LNX1: variants seen among roughly 807,000 people sequenced by gnomAD.
LNX1 encodes the protein ligand of numb-protein X 1, also known as E3 ubiquitin-protein ligase LNX.
LNX1 carries 54 observed loss-of-function variants against 68.4 expected under a neutral mutation model. The ratio of observed to expected loss-of-function variants is 0.79; its 90% CI spans 0.63 to 0.99. LNX1 has a LOEUF of 0.99. Among genes scored for constraint, LNX1 ranks in the 50% least tolerant of loss-of-function variants. LNX1 has a pLI of 0.00. For missense variants in LNX1, 906 were observed against 926.4 expected, an observed-to-expected ratio of 0.98 and a Z score of 0.29; for synonymous variants, 336 against 350.0, an observed-to-expected ratio of 0.96 and a Z score of 0.45.
intron 2 of LNX1, among the ~76,000 whole-genome samples, chr4:53,555,183 G>A (rs779840059): frequency 7.9e-5 from 12 of 152,088 alleles, no homozygotes; most frequent in Non-Finnish European, 1.6e-4. Context: ...CCTCCATCTC[G>A]GACATGCAGG....
intron 9 of LNX1, among the ~76,000 whole-genome samples, chr4:53,467,321 G>A (rs372889405): frequency 2.0e-4 from 30 of 152,060 alleles, no homozygotes; most frequent in South Asian, 4.2e-4. Context: ...AAAGGGCATC[G>A]ACACCAAAAA....
At chr4:53,497,307 G>A (rs939300425) in intron 5 of LNX1, among the ~76,000 whole-genome samples, 37 of 152,232 alleles carry the variant, frequency 2.4e-4, no homozygotes, top group Non-Finnish European at 4.8e-4. Context: ...TTTGAGGAAA[G>A]AGGCCCCATG....
chr4:53,611,976 T>C (rs1336166380), intron 2 of LNX1, among the ~76,000 whole-genome samples: 2 of 152,178 alleles, frequency 1.3e-5, no homozygotes, highest in East Asian at 3.8e-4. Flanking sequence ...AAGAAATCTA[T>C]ATAGTGTGAA....
chr4:53,515,159 T>G (rs146170386), intron 2 of LNX1, among the ~76,000 whole-genome samples: 2 of 152,324 alleles, frequency 1.3e-5, no homozygotes, highest in Non-Finnish European at 2.9e-5. Context: ...TCTCCAGGAC[T>G]GAGATGGCTT....
At chr4:53,534,531 A>C (rs1172980936) in intron 2 of LNX1, among the ~76,000 whole-genome samples, 3 of 152,188 alleles carry the variant, frequency 2.0e-5, no homozygotes, top group Non-Finnish European at 4.4e-5. Context: ...AGGCCCAGCT[A>C]TTCAGAAGGC....
intron 1 of LNX1, among the ~76,000 whole-genome samples, chr4:53,629,012 A>G (rs1341634175): frequency 1.3e-5 from 2 of 152,134 alleles, no homozygotes; most frequent in Non-Finnish European, 2.9e-5. Context: ...ATTCAAAACT[A>G]CACATTAGGT....
chr4:53,492,506 T>TGAGAGA (rs58715153), intron 6 of LNX1, among the ~76,000 whole-genome samples: 11,003 of 88,844 alleles, frequency 0.12, 1,247 homozygotes, highest in African/African-American at 0.24. Flanking sequence ...CAGAGGGCTC[T>TGAGAGA]GAGAGAGAGA....
At chr4:53,518,494 C>T (rs926916219) in intron 2 of LNX1, among the ~76,000 whole-genome samples, 1 of 152,224 alleles carries the variant, frequency 6.6e-6, no homozygotes, top group African/African-American at 2.4e-5. Context: ...TCTCAACTCA[C>T]AAATTAATAG....
At chr4:53,497,768 C>T (rs1336445590) in intron 5 of LNX1, among the ~76,000 whole-genome samples, 1 of 152,224 alleles carries the variant, frequency 6.6e-6, no homozygotes, top group Non-Finnish European at 1.5e-5. Context: ...TATGCTCCAC[C>T]TCGGAGGCCA....
intron 6 of LNX1, among the ~76,000 whole-genome samples, chr4:53,494,930 A>G (rs1267259792): frequency 6.6e-6 from 1 of 152,250 alleles, no homozygotes; most frequent in Non-Finnish European, 1.5e-5. Flanking sequence ...TCATTTATAT[A>G]ACATTCTTGA....
At chr4:53,544,921 G>A (rs751599576) in intron 2 of LNX1, among the ~76,000 whole-genome samples, 10 of 152,154 alleles carry the variant, frequency 6.6e-5, no homozygotes, top group South Asian at 2.1e-4. Flanking sequence ...CTGGAGTCCC[G>A]CTTGTGATCA....
At chr4:53,495,279 GA>G (rs200216018) in intron 6 of LNX1, among the ~76,000 whole-genome samples, 8 of 151,448 alleles carry the variant, frequency 5.3e-5, no homozygotes, top group East Asian at 1.9e-4. Flanking sequence ...AAAAGCTAAA[GA>G]AAAAAAAATT....
intron 2 of LNX1, among the ~76,000 whole-genome samples, chr4:53,514,546 T>C (rs1726604959): frequency 2.0e-5 from 3 of 152,174 alleles, no homozygotes; most frequent in Admixed American, 2.0e-4. Context: ...ACTTATTCAC[T>C]ACCATGAGAA....
chr4:53,588,975 A>T (rs1215635866), intron 1 of LNX1, among the ~76,000 whole-genome samples: 1 of 152,188 alleles, frequency 6.6e-6, no homozygotes, highest in East Asian at 1.9e-4. Context: ...TCTATGGTAC[A>T]ATGAGGCTCC....
intron 2 of LNX1, among the ~76,000 whole-genome samples, chr4:53,551,368 C>T (rs1409480754): frequency 1.3e-5 from 2 of 152,098 alleles, no homozygotes; most frequent in Non-Finnish European, 2.9e-5. Flanking sequence ...AAGCCAGGGC[C>T]AGGCAGTTTC....
At chr4:53,651,930 G>T (rs1480117382) in intron 1 of LNX1, among the ~76,000 whole-genome samples, 1 of 152,080 alleles carries the variant, frequency 6.6e-6, no homozygotes, top group Admixed American at 6.6e-5. Context: ...GGTATAAAGA[G>T]CGCAAATGCC....
At chr4:53,639,750 G>C (rs777738535) in intron 1 of LNX1, among the ~76,000 whole-genome samples, 3 of 152,182 alleles carry the variant, frequency 2.0e-5, no homozygotes, top group Non-Finnish European at 4.4e-5. Flanking sequence ...GAGTTATTTA[G>C]GTCAGGTGTA....
chr4:53,545,201 C>T (rs1326801659), intron 2 of LNX1, among the ~76,000 whole-genome samples: 2 of 152,188 alleles, frequency 1.3e-5, no homozygotes, highest in Non-Finnish European at 2.9e-5. Flanking sequence ...CTCTCTTATG[C>T]CTACTTCAAT....
At chr4:53,573,472 C>A (rs547408624) in intron 2 of LNX1, 151 bp downstream of exon 2, 6 of 607,284 alleles carry the variant, frequency 9.9e-6, no homozygotes, top group Non-Finnish European at 1.5e-5. Context: ...GCTATTTCCT[C>A]ACACTGAATC....
Sources: gnomAD v4.1 joint callset for allele counts (sites outside exome capture counted in the v4.1 genomes callset) on GRCh38, gnomAD v4.1.1 for gene constraint, MANE v1.5 for transcripts, NCBI Gene and HGNC (gene_info 2026-07-23, HGNC 2026-07-21) for gene names.